Variants in RABGEF1 observed in about 807,000 individuals in gnomAD.
The protein encoded by RABGEF1 is RAB guanine nucleotide exchange factor 1.
RABGEF1 carries 26 observed loss-of-function variants against 57.3 expected under a neutral mutation model. That is an observed-to-expected ratio of 0.45 (90% confidence interval 0.33 to 0.63). RABGEF1 has a LOEUF of 0.63. Among genes scored for constraint, RABGEF1 ranks in the 20% least tolerant of loss-of-function variants. RABGEF1 has a pLI of 0.02. For synonymous variants in RABGEF1, 185 were observed against 210.7 expected (o/e 0.88, Z 1.06); for missense variants, 464 against 607.6 (o/e 0.76, Z 2.48).
intron 1 of RABGEF1, among the ~76,000 whole-genome samples, chr7:66,743,761 A>G (rs1048872417): frequency 1.2e-4 from 19 of 152,106 alleles, no homozygotes; most frequent in Admixed American, 1.2e-3. Flanking sequence ...TCGGCATTCC[A>G]AAGTGCTGGG....
intron 1 of RABGEF1, among the ~76,000 whole-genome samples, chr7:66,688,444 C>T (rs1272301065): frequency 6.6e-6 from 1 of 152,182 alleles, no homozygotes; most frequent in Non-Finnish European, 1.5e-5. Flanking sequence ...ACCCACCCAA[C>T]AACAGCAAAA....
At chr7:66,754,795 A>G (rs1267669134) in intron 1 of RABGEF1, among the ~76,000 whole-genome samples, 1 of 152,204 alleles carries the variant, frequency 6.6e-6, no homozygotes, top group Non-Finnish European at 1.5e-5. Flanking sequence ...GCGTGTGTGT[A>G]TGTGTGTATC....
intron 4 of RABGEF1, among the ~76,000 whole-genome samples, chr7:66,793,244 A>C (rs1813151501): frequency 6.6e-6 from 1 of 152,218 alleles, no homozygotes; most frequent in Non-Finnish European, 1.5e-5. Context: ...ATTTACACAT[A>C]TATAAGATAA....
chr7:66,671,331 C>T, the RABGEF1 span, among the ~76,000 whole-genome samples: 2 of 152,056 alleles, frequency 1.3e-5, no homozygotes, highest in African/African-American at 4.8e-5. Context: ...AGGCATGTGC[C>T]ACCACACCTG....
rs373793969 is a variant in RABGEF1, at chr7:66,797,994, G to A, written c.728+488G>A. Among the ~76,000 whole-genome samples the A allele has an allele frequency of 1.1e-4, 16 of 152,308 alleles. No individual in the cohort carries two copies. In the East Asian group the frequency reaches 1.7e-3, roughly 17 times the overall value. The stretch of plus-strand genomic sequence containing the variant: ...TAGCCAGGCATGGTGGCGCACGCCT[G>A]TGATCCCAGCTACTTGGGAGGCTAA... On this transcript the variant is annotated intron_variant, in intron 6 of 8. Transcript: ENST00000284957.
Position 66,789,528 on chromosome 7 carries a change from A to C in RABGEF1, c.513+5687A>C, listed in dbSNP as rs1279586054. 2.0e-5 allele frequency among the ~76,000 whole-genome samples: 3 copies of C among 151,890 alleles called. No individual in the cohort carries two copies. The East Asian group carries it at 5.8e-4, about 29-fold the overall frequency. On this transcript the variant is annotated intron_variant, in intron 4 of 8. Coordinates refer to ENST00000284957, the MANE Select transcript of RABGEF1 (RefSeq NM_014504.3). Reference sequence around the variant, plus strand: ...AAACCCCGTCTCTACTAAAAAATACAAAAAATTAGCCAGGTGTGGTGGCGA... The same window carrying C: ...AAACCCCGTCTCTACTAAAAAATACCAAAAATTAGCCAGGTGTGGTGGCGA...
intron 3 of RABGEF1, among the ~76,000 whole-genome samples, chr7:66,780,456 A>G (rs1037874366): frequency 1.3e-5 from 2 of 152,258 alleles, no homozygotes; most frequent in African/African-American, 4.8e-5. Context: ...TACTTAGTGC[A>G]TAATAGGCAT....
intron 3 of RABGEF1, among the ~76,000 whole-genome samples, chr7:66,779,087 G>A (rs1809247891): frequency 6.6e-6 from 1 of 152,060 alleles, no homozygotes; most frequent in Admixed American, 6.5e-5. Context: ...TCCAGCCTGG[G>A]CAACAAAGTG....
At chr7:66,766,842 A>G (rs1805855389) in intron 1 of RABGEF1, among the ~76,000 whole-genome samples, 1 of 151,862 alleles carries the variant, frequency 6.6e-6, no homozygotes, top group South Asian at 2.1e-4. Context: ...CTTGTGCCTC[A>G]GCCTCCTGAG....
upstream of RABGEF1, among the ~76,000 whole-genome samples, chr7:66,679,835 G>A (rs1273822491): frequency 2.0e-5 from 3 of 152,136 alleles, no homozygotes; most frequent in African/African-American, 7.2e-5. Flanking sequence ...TTCGAGACCA[G>A]CCAGGGCGAC....
chr7:66,771,798 A>G, intron 1 of RABGEF1, 85 bp from the exon 2 acceptor site: 3 of 986,872 alleles, frequency 3.0e-6, no homozygotes, highest in Non-Finnish European at 4.2e-6. Flanking sequence ...AGATAATGGA[A>G]TCACTCACTT....
At chr7:66,662,987 C>T in the RABGEF1 span, among the ~76,000 whole-genome samples, 1 of 152,190 alleles carries the variant, frequency 6.6e-6, no homozygotes, top group South Asian at 2.1e-4. Flanking sequence ...CATAATGGCC[C>T]TAACGCCCAA....
At chr7:66,662,296 A>G in the RABGEF1 span, among the ~76,000 whole-genome samples, 9 of 151,746 alleles carry the variant, frequency 5.9e-5, no homozygotes, top group Admixed American at 3.3e-4. Context: ...GCGAAACCCC[A>G]TCTCTACCTA....
chr7:66,681,557 C>A (rs1322053541), upstream of RABGEF1, among the ~76,000 whole-genome samples: 6 of 141,902 alleles, frequency 4.2e-5, no homozygotes, highest in Admixed American at 7.2e-5. Flanking sequence ...CGCCATCATG[C>A]CCGGCTGATT....
Position 66,789,372 on chromosome 7 carries a change from GA to G in RABGEF1, c.513+5538del. On this transcript the variant is annotated intron_variant, in intron 4 of 8. Transcript: ENST00000284957. Reference sequence around the variant, plus strand: ...GCTCTCAGCATCTATAAGTCATAAGGAAAAAAAGTAGATAAAAGATGTATTT... The same window carrying G: ...GCTCTCAGCATCTATAAGTCATAAGGAAAAAAGTAGATAAAAGATGTATTT... Among the ~76,000 whole-genome samples the G allele has an allele frequency of 2.0e-5, 3 of 152,030 alleles. No homozygotes were observed. In the South Asian group the frequency reaches 6.2e-4, roughly 32 times the overall value.
At chr7:66,768,024 G>T (rs910699260) in intron 1 of RABGEF1, among the ~76,000 whole-genome samples, 3 of 152,090 alleles carry the variant, frequency 2.0e-5, no homozygotes, top group African/African-American at 7.2e-5. Context: ...CCCATTGAAG[G>T]ATATTTTAGT....
At chr7:66,660,412 TG>T in the RABGEF1 span, among the ~76,000 whole-genome samples, 3 of 150,210 alleles carry the variant, frequency 2.0e-5, no homozygotes, top group African/African-American at 7.3e-5. Context: ...GCAATTAAAG[TG>T]ATTATAAGAT....
intron 2 of RABGEF1, among the ~76,000 whole-genome samples, chr7:66,715,776 C>T (rs951458463): frequency 1.3e-5 from 2 of 151,932 alleles, no homozygotes; most frequent in African/African-American, 4.8e-5. Context: ...TGGGTCTCGG[C>T]TGTGTTACCT....
intron 1 of RABGEF1, among the ~76,000 whole-genome samples, chr7:66,753,701 G>GTTTTTTTTTTTTTTTTTTTTTTT (rs1224800315): frequency 1.3e-5 from 1 of 78,764 alleles, no homozygotes; most frequent in Non-Finnish European, 2.3e-5. Flanking sequence ...TTTTGCCATC[G>GTTTTTTTTTTTTTTTTTTTTTTT]TTTTTTTTTT....
Sources: gnomAD v4.1 joint callset for allele counts (sites outside exome capture counted in the v4.1 genomes callset) on GRCh38, gnomAD v4.1.1 for gene constraint, MANE v1.5 for transcripts, NCBI Gene and HGNC (gene_info 2026-07-23, HGNC 2026-07-21) for gene names.